The following RALGAPA1 variants were observed in gnomAD, a reference collection of about 807,000 sequenced individuals.
RALGAPA1 encodes ral GTPase-activating protein subunit alpha-1.
In RALGAPA1, 52 loss-of-function variants were observed where a neutral mutation model predicts 269.6. The ratio of observed to expected loss-of-function variants is 0.19; its 90% CI spans 0.15 to 0.24. RALGAPA1 has a LOEUF of 0.24. Among genes scored for constraint, RALGAPA1 ranks in the 10% least tolerant of loss-of-function variants. The probability of loss-of-function intolerance (pLI) is 1.00; values close to 1 mark genes in which losing one functional copy is unlikely to be tolerated. For synonymous variants in RALGAPA1, 817 were observed against 1,008.3 expected, an observed-to-expected ratio of 0.81 and a Z score of 3.60; for missense variants, 1,917 against 3,013.9, an observed-to-expected ratio of 0.64 and a Z score of 8.52.
Position 35,689,009 on chromosome 14 carries a change from A to C in RALGAPA1, c.3402T>G (p.Thr1134=). ...PTKRSLSETV[T]HRAKIMKIAT... is the part of the protein sequence containing the mutation. ...CAATTTTCATGATTTTGGCTCTATG[A>C]GTTACTGTTTCAGACAAGCTCCTTT... Residue 1134 remains threonine, a synonymous_variant, in exon 18 of 42, where the codon ACT becomes ACG. Transcript: ENST00000680220. The C allele has an allele frequency of 8.1e-7, 1 of 1,236,546 alleles. No individual in the cohort carries two copies. Among genetic ancestry groups the C allele is most frequent in the Non-Finnish European group, 1.0e-6 (1 of 990,570 alleles). 76.6% of individuals were successfully genotyped at this position (1,236,546 alleles called of 1,614,324 possible). A position where few individuals can be genotyped will look rare whatever the true frequency, so the allele number is the denominator to read the frequency against.
At chr14:35,613,262 A>G (rs1372079934) in intron 35 of RALGAPA1, among the ~76,000 whole-genome samples, 1 of 151,878 alleles carries the variant, frequency 6.6e-6, no homozygotes, top group African/African-American at 2.4e-5. Context: ...TTGTATTTTT[A>G]GTAGAGACGG....
At chr14:35,569,328 A>G (rs1379043003) in intron 39 of RALGAPA1, among the ~76,000 whole-genome samples, 1 of 152,232 alleles carries the variant, frequency 6.6e-6, no homozygotes. Context: ...GAAAAATTAT[A>G]TGAAAAACAT....
chr14:35,552,719 C>CAA (rs34917498), intron 39 of RALGAPA1, among the ~76,000 whole-genome samples: 32 of 117,054 alleles, frequency 2.7e-4, no homozygotes, highest in South Asian at 1.1e-3. Context: ...ACTAGCCAAT[C>CAA]AAAAAAAAAA....
At chr14:35,634,811 A>T (rs2061569520) in intron 32 of RALGAPA1, 54 bp from the exon 33 acceptor site, 1 of 1,446,204 alleles carries the variant, frequency 6.9e-7, no homozygotes, top group Admixed American at 2.5e-5. Context: ...ATAAATAAAT[A>T]AAAGTTAAAG....
At chr14:35,762,839 A>G in intron 4 of RALGAPA1, 86 bp from the exon 5 acceptor site, 1 of 817,914 alleles carries the variant, frequency 1.2e-6, no homozygotes, top group Middle Eastern at 2.8e-4. Context: ...AACACTTTTA[A>G]ATAAGTCCTT....
intron 22 of RALGAPA1, chr14:35,677,682 A>G: frequency 2.8e-6 from 1 of 353,150 alleles, no homozygotes; most frequent in Non-Finnish European, 5.1e-6. Flanking sequence ...AACACTACCA[A>G]TATCAATAAA....
chr14:35,735,848 ACT>A (rs2070940880), intron 12 of RALGAPA1, among the ~76,000 whole-genome samples: 1 of 152,202 alleles, frequency 6.6e-6, no homozygotes, highest in Non-Finnish European at 1.5e-5. Context: ...CTAAAGTTTT[ACT>A]CTGTTTTGCA....
At chr14:35,781,396 T>C (rs1019771122) in intron 1 of RALGAPA1, among the ~76,000 whole-genome samples, 2 of 152,156 alleles carry the variant, frequency 1.3e-5, no homozygotes, top group African/African-American at 4.8e-5. Context: ...AAGCTTGGAC[T>C]CAAATGGCTT....
At chr14:35,556,414 C>T (rs916075754) in intron 39 of RALGAPA1, among the ~76,000 whole-genome samples, 6 of 152,144 alleles carry the variant, frequency 3.9e-5, no homozygotes, top group Admixed American at 3.9e-4. Context: ...TTCTTTCCTA[C>T]TGTAACTAAT....
chr14:35,615,082 T>C (rs1216072080), intron 35 of RALGAPA1, among the ~76,000 whole-genome samples: 1 of 152,160 alleles, frequency 6.6e-6, no homozygotes, highest in Non-Finnish European at 1.5e-5. Context: ...TAGATTAATA[T>C]GCACCACAAT....
At chr14:35,737,144 A>ATCTCAAATTCAGTACT (rs573264801) in intron 12 of RALGAPA1, among the ~76,000 whole-genome samples, 16 of 152,308 alleles carry the variant, frequency 1.1e-4, no homozygotes, top group African/African-American at 3.8e-4. Context: ...AGATAAGAAA[A>ATCTCAAATTCAGTACT]GATGCTCAAA....
chr14:35,547,413 A>G (rs1428994010), intron 41 of RALGAPA1, among the ~76,000 whole-genome samples: 3 of 152,166 alleles, frequency 2.0e-5, no homozygotes, highest in Non-Finnish European at 2.9e-5. Flanking sequence ...GAAAGAGTAC[A>G]GCTGGTAAAC....
At chr14:35,543,787 C>T (rs1032104378) in intron 41 of RALGAPA1, among the ~76,000 whole-genome samples, 4 of 152,122 alleles carry the variant, frequency 2.6e-5, no homozygotes, top group South Asian at 2.1e-4. Flanking sequence ...GGATTATAGG[C>T]GCATGCCATC....
chr14:35,562,709 T>A (rs751117697), intron 39 of RALGAPA1, among the ~76,000 whole-genome samples: 100 of 152,070 alleles, frequency 6.6e-4, no homozygotes, highest in Admixed American at 2.6e-3. Context: ...CAAAAAATAT[T>A]TGGGGCTTTT....
At chr14:35,704,864 G>GT (rs2067667240) in intron 16 of RALGAPA1, among the ~76,000 whole-genome samples, 2 of 152,002 alleles carry the variant, frequency 1.3e-5, no homozygotes, top group Admixed American at 1.3e-4. Context: ...AATAAAATTT[G>GT]TTTCTCCCAA....
chr14:35,766,121 G>T, intron 4 of RALGAPA1: 1 of 1,011,454 alleles, frequency 9.9e-7, no homozygotes, highest in South Asian at 1.3e-5. Context: ...CTGGAGGGCT[G>T]ACCAGAAATC....
intron 37 of RALGAPA1, among the ~76,000 whole-genome samples, chr14:35,591,232 T>C (rs2058616034): frequency 6.6e-6 from 1 of 152,206 alleles, no homozygotes; most frequent in African/African-American, 2.4e-5. Context: ...TAACACTTAT[T>C]TGTTACATTA....
intron 31 of RALGAPA1, among the ~76,000 whole-genome samples, chr14:35,636,635 C>T (rs146367763): frequency 1.1e-4 from 17 of 152,230 alleles, no homozygotes; most frequent in African/African-American, 4.1e-4. Flanking sequence ...ATTCTTGCAC[C>T]TCAGCCACCT....
chr14:35,541,822 A>C (rs1275995081), intron 41 of RALGAPA1: 1 of 457,674 alleles, frequency 2.2e-6, no homozygotes, highest in Non-Finnish European at 4.4e-6. Context: ...GTGAATGAAG[A>C]AATGGAGTAG....
Sources: gnomAD v4.1 joint callset for allele counts (sites outside exome capture counted in the v4.1 genomes callset) on GRCh38, gnomAD v4.1.1 for gene constraint, MANE v1.5 for transcripts, NCBI Gene and HGNC (gene_info 2026-07-23, HGNC 2026-07-21) for gene names.